The following SARAF variants were observed in gnomAD, a reference collection of about 807,000 sequenced individuals.
The protein encoded by SARAF is store-operated calcium entry-associated regulatory factor.
SARAF carries 23 observed loss-of-function variants against 39.7 expected under a neutral mutation model. The observed-to-expected ratio is 0.58, with a 90% CI of 0.42 to 0.82. The LOEUF (loss-of-function observed/expected upper bound fraction) is 0.82, where lower values mean the gene tolerates loss of function less well. Ranked by LOEUF, SARAF falls within the 40% of genes least tolerant of loss-of-function variation. The probability of loss-of-function intolerance (pLI) is 0.00; values close to 1 mark genes in which losing one functional copy is unlikely to be tolerated. For synonymous variants in SARAF, 175 were observed against 168.5 expected (o/e 1.04, Z -0.30); for missense variants, 384 against 418.5 (o/e 0.92, Z 0.72).
Position 30,071,123 on chromosome 8 carries a change from C to T in SARAF, c.283-1064G>A, listed in dbSNP as rs142040170. ...TGGGAGGCCAAGGTGGGCGGATCAC[C>T]TGAGGTCAGGAGTTCAAGAACAGCC... On this transcript the variant is annotated intron_variant, in intron 2 of 5. Transcript: ENST00000256255. Among the ~76,000 whole-genome samples, 563 of 152,296 alleles carry T rather than the reference C, an allele frequency of 3.7e-3. 5 individuals carry two copies. The highest frequency in any genetic ancestry group is 0.01 in the African/African-American group (427 of 41,560).
chr8:30,066,209 C>T, intron 4 of SARAF, 70 bp from the exon 5 acceptor site: 2 of 1,467,992 alleles, frequency 1.4e-6, no homozygotes, highest in African/African-American at 1.4e-5. Flanking sequence ...CTTCCTGTTC[C>T]TAAACTGTCA....
At position 30,069,770 on chromosome 8, in the gene SARAF, T is replaced by C; in HGVS notation, c.572A>G (p.Lys191Arg). 1.2e-6 allele frequency: 2 copies of C among 1,614,104 alleles called. No individual in the cohort carries two copies. Among genetic ancestry groups the C allele is most frequent in the South Asian group, 2.2e-5 (2 of 91,078 alleles). ...VLLGIAFVVY[K>R]LFLSDGQYSP... The stretch of plus-strand genomic sequence containing the variant: ...ATACTGCCCGTCACTCAGGAACAGC[T>C]TATAGACTACAAACGCGATCCCAAG... The change falls in exon 3 of 6, where the codon AAG (lysine) becomes AGG (arginine). Residue 191 changes from lysine to arginine, a missense_variant. Lys to Arg is a conservative substitution (Grantham distance 26, BLOSUM62 2). Transcript: ENST00000256255.
chr8:30,083,173 A>G (rs2117450687), upstream of SARAF: 1 of 448,578 alleles, frequency 2.2e-6, no homozygotes, highest in Non-Finnish European at 4.0e-6. Context: ...CCGCCCCTGG[A>G]GCACAGCGCG....
chr8:30,079,158 C>CAAAAA (rs60893961), intron 1 of SARAF, among the ~76,000 whole-genome samples: 3 of 54,668 alleles, frequency 5.5e-5, no homozygotes, highest in Non-Finnish European at 1.2e-4. Context: ...AACTCCATCT[C>CAAAAA]AAAAAAAAAA....
At position 30,069,915 on chromosome 8, in the gene SARAF, G is replaced by A. The variant is rs1005476283; in HGVS notation, c.427C>T (p.Leu143=). 3.7e-6 allele frequency: 6 copies of A among 1,613,998 alleles called. No individual in the cohort carries two copies. The African/African-American group carries it at 8.0e-5, about 22-fold the overall frequency. Residue 143 remains leucine (L), a synonymous_variant, in exon 3 of 6, where the codon CTG becomes TTG. Coordinates refer to ENST00000256255, the MANE Select transcript of SARAF (RefSeq NM_016127.6). ...EYNLDYTELG[L]QKLKESGKQH... ...TTTCCAGACTCCTTCAGTTTCTGCA[G>A]GCCAAGTTCTGTATAATCTAAATTA...
Position 30,083,027 on chromosome 8 carries a change from G to A in SARAF, c.-78C>T, listed in dbSNP as rs888288548. The A allele has an allele frequency of 1.5e-5, 17 of 1,097,302 alleles. No homozygotes were observed. The highest frequency in any genetic ancestry group is 5.0e-5 in the African/African-American group (3 of 60,050). 68.0% of individuals were successfully genotyped at this position (1,097,302 alleles called of 1,614,324 possible). A position where few individuals can be genotyped will look rare whatever the true frequency, so the allele number is the denominator to read the frequency against. ...GGTGCGGTAGCGCGCGCGACGCTGC[G>A]CAGCTACACCGCTACCCCTGGCGGC... On this transcript the variant is annotated 5_prime_UTR_variant, in exon 1 of 6. Transcript: ENST00000256255.
chr8:30,073,886 A>G lies in SARAF; in HGVS notation c.273T>C (p.Tyr91=), dbSNP rs1424627860. ...IQCQNKGWDG[Y]DVQWECKTDL... is the part of the protein sequence containing the mutation. ...CTGTAGTGGATATTACCTGTACATC[A>G]TACCCATCCCAGCCTTTGTTCTGAC... Residue 91 remains tyrosine, a synonymous_variant, in exon 2 of 6, where the codon TAT becomes TAC. Coordinates refer to ENST00000256255, the MANE Select transcript of SARAF (RefSeq NM_016127.6). The G allele has an allele frequency of 1.9e-6, 3 of 1,614,168 alleles. No individual in the cohort carries two copies. The African/African-American group carries it at 4.0e-5, about 22-fold the overall frequency.
intron 1 of SARAF, among the ~76,000 whole-genome samples, chr8:30,078,592 T>G (rs1299050776): frequency 6.6e-6 from 1 of 152,236 alleles, no homozygotes; most frequent in Non-Finnish European, 1.5e-5. Context: ...TTGCCAACCA[T>G]CGCTTTGCTA....
At chr8:30,078,191 A>AAG in intron 1 of SARAF, 1 of 403,974 alleles carries the variant, frequency 2.5e-6, no homozygotes, top group Admixed American at 3.5e-5. Context: ...AAAAAAAAAA[A>AAG]AAAGAAAGAA....
chr8:30,071,626 C>A (rs1217014230), intron 2 of SARAF, among the ~76,000 whole-genome samples: 1 of 152,196 alleles, frequency 6.6e-6, no homozygotes, highest in Admixed American at 6.5e-5. Flanking sequence ...ACTCTCCATT[C>A]TCCCGCCGCA....
chr8:30,074,373 G>T (rs139402055), intron 1 of SARAF, among the ~76,000 whole-genome samples: 36 of 152,262 alleles, frequency 2.4e-4, no homozygotes, highest in African/African-American at 8.4e-4. Context: ...AATAATAGTG[G>T]TTAATTAAAA....
chr8:30,073,811 T>C, intron 2 of SARAF, 66 bp downstream of exon 2: 1 of 1,425,150 alleles, frequency 7.0e-7, no homozygotes, highest in East Asian at 2.3e-5. Flanking sequence ...GACTGAATAA[T>C]GTCCCAATAA....
rs113716580 is a variant in SARAF at position 30,083,009 on chromosome 8, T to C, written c.-60A>G. The C allele has an allele frequency of 0.047, 61,969 of 1,327,036 alleles. 1,679 individuals carry two copies. The highest frequency in any genetic ancestry group is 0.088 in the South Asian group (6,432 of 73,032). The allele number at this position is 1,327,036 out of a possible 1,614,324, so 82.2% of individuals were successfully genotyped here. The stretch of plus-strand genomic sequence containing the variant: ...GCCTACGGGCCGAACCTGGGTGCGG[T>C]AGCGCGCGCGACGCTGCGCAGCTAC... On this transcript the variant is annotated 5_prime_UTR_variant, in exon 1 of 6. Coordinates refer to ENST00000256255, the MANE Select transcript of SARAF (RefSeq NM_016127.6).
chr8:30,074,027 A>G lies in SARAF; in HGVS notation c.132T>C (p.Ala44=). 1 of 1,613,928 alleles carries G rather than the reference A, an allele frequency of 6.2e-7. No homozygotes were observed. Among genetic ancestry groups the G allele is most frequent in the Non-Finnish European group, 8.5e-7 (1 of 1,179,874 alleles). Residue 44 remains alanine (A), a synonymous_variant, in exon 2 of 6, where the codon GCT becomes GCC. Transcript: ENST00000256255. The part of the protein sequence containing the change: ...PDRMLLRDVK[A]LTLHYDRYTT... Reference sequence around the variant, plus strand: ...TATAGCGGTCATAGTGGAGGGTAAGAGCTTTTACATCCCGCAGCAACATTC... The same window carrying G: ...TATAGCGGTCATAGTGGAGGGTAAGGGCTTTTACATCCCGCAGCAACATTC...
intron 2 of SARAF, among the ~76,000 whole-genome samples, chr8:30,072,632 C>A (rs1024777985): frequency 1.1e-4 from 16 of 152,170 alleles, no homozygotes; most frequent in African/African-American, 3.9e-4. Context: ...AATTTCAACT[C>A]TTGGAATAGA....
At chr8:30,080,217 ACTCT>A (rs1585447540) in intron 1 of SARAF, among the ~76,000 whole-genome samples, 2 of 152,278 alleles carry the variant, frequency 1.3e-5, no homozygotes, top group East Asian at 3.9e-4. Context: ...AGCGGTCACC[ACTCT>A]AAGAACTTAC....
intron 5 of SARAF, among the ~76,000 whole-genome samples, chr8:30,064,119 C>T (rs543583928): frequency 6.6e-6 from 1 of 152,124 alleles, no homozygotes; most frequent in Non-Finnish European, 1.5e-5. Context: ...ACTACACTCA[C>T]ACATGGTTGC....
At chr8:30,077,959 G>A (rs1343208463) in intron 1 of SARAF, among the ~76,000 whole-genome samples, 1 of 151,682 alleles carries the variant, frequency 6.6e-6, no homozygotes, top group Non-Finnish European at 1.5e-5. Flanking sequence ...GGCAAATATG[G>A]TGAAACCCCG....
intron 5 of SARAF, among the ~76,000 whole-genome samples, chr8:30,064,561 A>ATATATATATTTTTTTTTTTTTTTTTT (rs1423689069): frequency 2.2e-5 from 1 of 46,228 alleles, no homozygotes; most frequent in African/African-American, 1.1e-4. Context: ...ATATATATAT[A>ATATATATATTTTTTTTTTTTTTTTTT]TTTTTTTTTT....
Sources: gnomAD v4.1 joint callset for allele counts (sites outside exome capture counted in the v4.1 genomes callset) on GRCh38, gnomAD v4.1.1 for gene constraint, MANE v1.5 for transcripts, NCBI Gene and HGNC (gene_info 2026-07-23, HGNC 2026-07-21) for gene names.